Variants in GNL3L observed in about 807,000 individuals in gnomAD.
GNL3L encodes the protein guanine nucleotide-binding protein-like 3-like protein.
Under a neutral mutation model 42.9 loss-of-function variants are expected in GNL3L, and 4 were observed. The observed-to-expected ratio is 0.09, with a 90% CI of 0.05 to 0.21. GNL3L has a LOEUF of 0.21. Ranked by LOEUF, GNL3L falls within the 10% of genes least tolerant of loss-of-function variation. GNL3L has a pLI of 1.00. For synonymous variants in GNL3L, 159 were observed against 176.3 expected (o/e 0.90, Z 0.78); for missense variants, 412 against 481.7 (o/e 0.86, Z 1.36).
chrX:54,604,611 G>A (rs1450365120), intron 16 of GNL3L, among the ~76,000 whole-genome samples: 1 of 111,149 alleles, frequency 9.0e-6, no homozygotes, highest in Non-Finnish European at 1.9e-5. Flanking sequence ...GTACCCCCTG[G>A]GATTATGAAG....
chrX:54,548,034 G>A (rs762647485), intron 8 of GNL3L, among the ~76,000 whole-genome samples, 195 bp from the exon 9 acceptor site: 1 of 111,983 alleles, frequency 8.9e-6, no homozygotes, highest in African/African-American at 3.2e-5. Context: ...AGACGCAGGG[G>A]CAGAGGAGAC....
intron 16 of GNL3L, among the ~76,000 whole-genome samples, chrX:54,594,832 C>G (rs959448301): frequency 9.0e-6 from 1 of 111,119 alleles, no homozygotes; most frequent in Non-Finnish European, 1.9e-5. Context: ...CTTATTAACC[C>G]ATTATTTTAA....
At position 54,543,048 on chromosome X, in the gene GNL3L, TC is replaced by T. The variant is rs780557921; in HGVS notation, c.390+12del. On this transcript the variant is annotated intron_variant, in intron 6 of 15. Coordinates refer to ENST00000360845, the MANE Select transcript of GNL3L (RefSeq NM_001184819.2). The stretch of plus-strand genomic sequence containing the variant: ...CAAGGAGTTCCGTAAGGTACAGGGT[TC>T]CATTTCTTCAGGCTTTTGCGGGAGG... 8.9e-7 allele frequency: 1 copy of T among 1,129,446 alleles called. No individual in the cohort carries two copies. Among genetic ancestry groups the T allele is most frequent in the African/African-American group, 1.8e-5 (1 of 55,554 alleles). The allele number at this position is 1,129,446 out of a possible 1,213,427, so 93.1% of individuals were successfully genotyped here.
chrX:54,639,545 G>A, the GNL3L span, among the ~76,000 whole-genome samples: 1 of 112,094 alleles, frequency 8.9e-6, no homozygotes, highest in South Asian at 3.7e-4. Flanking sequence ...TATCTCTTTC[G>A]GAAGTGAGTG....
chrX:54,562,866 AC>A lies in GNL3L; in HGVS notation c.*2267del, dbSNP rs1402069907. On this transcript the variant is annotated 3_prime_UTR_variant, in exon 16 of 16. Transcript: ENST00000360845. ...ATTAAGTGGTGGTGCTAGGATTGGAACCCAAGCGTGATTAAAACCCTATGCA... is the reference window on the plus strand; with the variant it reads ...ATTAAGTGGTGGTGCTAGGATTGGAACCAAGCGTGATTAAAACCCTATGCA... 9.4e-6 allele frequency among the ~76,000 whole-genome samples: 1 copy of A among 106,750 alleles called. No individual in the cohort carries two copies. Among genetic ancestry groups the A allele is most frequent in the Non-Finnish European group, 1.9e-5 (1 of 51,896 alleles). The allele number at this position is 106,750 out of a possible 115,157, so 92.7% of individuals were successfully genotyped here. A position where few individuals can be genotyped will look rare whatever the true frequency, so the allele number is the denominator to read the frequency against.
chrX:54,584,332 T>C (rs1327293714), intron 16 of GNL3L, among the ~76,000 whole-genome samples: 2 of 111,270 alleles, frequency 1.8e-5, no homozygotes, highest in Non-Finnish European at 3.8e-5. Flanking sequence ...CTCCCGGCCA[T>C]ATTTATATTT....
chrX:54,634,720 C>T, the GNL3L span, among the ~76,000 whole-genome samples: 2 of 104,900 alleles, frequency 1.9e-5, no homozygotes, highest in Non-Finnish European at 3.9e-5. Flanking sequence ...ATCTCCTGAC[C>T]TTGTGATCTG....
chrX:54,644,601 T>C, the GNL3L span, among the ~76,000 whole-genome samples: 1 of 112,187 alleles, frequency 8.9e-6, no homozygotes, highest in African/African-American at 3.2e-5. Context: ...ATTTCTGCAC[T>C]ATTTTATTCT....
At chrX:54,599,531 G>C (rs1925978282) in intron 16 of GNL3L, among the ~76,000 whole-genome samples, 1 of 111,445 alleles carries the variant, frequency 9.0e-6, no homozygotes, top group Non-Finnish European at 1.9e-5. Context: ...GGTTTCAGCA[G>C]TTTGACCATG....
Position 54,554,703 on chromosome X carries a change from T to C in GNL3L, c.1446+11T>C. The stretch of plus-strand genomic sequence containing the variant: ...ACCACCGTGTATAAGGTACCTGTCA[T>C]CTTTGTTCATGGCAACCCTCTTCTC... On this transcript the variant is annotated intron_variant, in intron 14 of 15. Transcript: ENST00000360845. 1 of 1,201,077 alleles carries C rather than the reference T, an allele frequency of 8.3e-7. No homozygotes were observed. The highest frequency in any genetic ancestry group is 3.0e-5 in the East Asian group (1 of 33,729).
rs1390884228 is a variant in GNL3L, at chrX:54,564,932, T to G, written c.*4330T>G. Among the ~76,000 whole-genome samples, 1 of 106,313 alleles carries G rather than the reference T, an allele frequency of 9.4e-6. No homozygotes were observed. Among genetic ancestry groups the G allele is most frequent in the East Asian group, 3.0e-4 (1 of 3,371 alleles). The allele number at this position is 106,313 out of a possible 115,157, so 92.3% of individuals were successfully genotyped here. A position where few individuals can be genotyped will look rare whatever the true frequency, so the allele number is the denominator to read the frequency against. ...TATTTTTAGTAGAGGCGGGGGTTTC[T>G]CCACACTGGCCAGGCTGGTCTTGAA... On this transcript the variant is annotated 3_prime_UTR_variant, in exon 16 of 16. Transcript: ENST00000360845.
chrX:54,539,185 G>T, intron 3 of GNL3L, 84 bp downstream of exon 3: 1 of 524,922 alleles, frequency 1.9e-6, no homozygotes, highest in Non-Finnish European at 3.1e-6. Flanking sequence ...TAAATATTGG[G>T]TGACTCTGGA....
chrX:54,625,950 A>G (rs1213134540), downstream of GNL3L, among the ~76,000 whole-genome samples: 1 of 111,546 alleles, frequency 9.0e-6, no homozygotes, highest in Non-Finnish European at 1.9e-5. Context: ...ATACAGACGG[A>G]TATTATGATA....
chrX:54,619,891 G>A lies in GNL3L; in HGVS notation c.*46-954G>A, dbSNP rs1011331961. On this transcript the variant is annotated intron_variant, in intron 16 of 16. Transcript: ENST00000674498. ...AAGAAGTTAGATTTTTTGGGGTGCT[G>A]TTCACTAGCAGAAACATTAAGGCCC... is the stretch of plus-strand genomic sequence containing the variant. Among the ~76,000 whole-genome samples the A allele has an allele frequency of 4.5e-5, 5 of 111,704 alleles. 1 individual carries two copies. The highest frequency in any genetic ancestry group is 1.6e-4 in the African/African-American group (5 of 30,762).
chrX:54,531,705 C>T (rs181135779), intron 1 of GNL3L, among the ~76,000 whole-genome samples: 2 of 111,395 alleles, frequency 1.8e-5, no homozygotes, highest in East Asian at 5.7e-4. Flanking sequence ...TCAGGCATAT[C>T]GATCCTGTAC....
At chrX:54,589,724 A>G (rs1925840996) in intron 16 of GNL3L, among the ~76,000 whole-genome samples, 1 of 111,061 alleles carries the variant, frequency 9.0e-6, no homozygotes, top group Admixed American at 9.6e-5. Flanking sequence ...TCTTCCTTAT[A>G]CTGATTTCCT....
intron 2 of GNL3L, among the ~76,000 whole-genome samples, chrX:54,535,875 G>T (rs978567808): frequency 9.0e-6 from 1 of 110,615 alleles, no homozygotes; most frequent in Non-Finnish European, 1.9e-5. Context: ...TGATCTTCCT[G>T]CCTCAGCCTC....
intron 12 of GNL3L, 128 bp downstream of exon 12, chrX:54,552,102 G>GC (rs1924960351): frequency 2.4e-6 from 2 of 850,650 alleles, no homozygotes; most frequent in African/African-American, 4.0e-5. Context: ...TGGCCAAGGT[G>GC]CCAGGTCATG....
At chrX:54,543,490 G>C (rs1924685490) in intron 7 of GNL3L, 148 bp downstream of exon 7, 2 of 547,362 alleles carry the variant, frequency 3.7e-6, no homozygotes. Flanking sequence ...TTCAAAGCCT[G>C]TATCACAGAG....
Sources: gnomAD v4.1 joint callset for allele counts (sites outside exome capture counted in the v4.1 genomes callset) on GRCh38, gnomAD v4.1.1 for gene constraint, MANE v1.5 for transcripts, NCBI Gene and HGNC (gene_info 2026-07-23, HGNC 2026-07-21) for gene names.